Variants in KCNMA1 observed in about 807,000 individuals in gnomAD.
KCNMA1 encodes the protein potassium calcium-activated channel subfamily M alpha 1, also known as Calcium-activated potassium channel subunit alpha-1.
KCNMA1 carries 29 observed loss-of-function variants against 140.0 expected under a neutral mutation model. The observed-to-expected ratio is 0.21, with a 90% CI of 0.15 to 0.28. The LOEUF (loss-of-function observed/expected upper bound fraction) is 0.28, where lower values mean the gene tolerates loss of function less well. KCNMA1 is among the 10% of genes least tolerant of loss of function. The pLI is 1.00. For synonymous variants in KCNMA1, 612 were observed against 611.9 expected, an observed-to-expected ratio of 1.00 and a Z score of 0.00; for missense variants, 880 against 1,602.2, an observed-to-expected ratio of 0.55 and a Z score of 7.70.
At chr10:77,120,287 G>A (rs2097567022) in intron 6 of KCNMA1, among the ~76,000 whole-genome samples, 2 of 152,128 alleles carry the variant, frequency 1.3e-5, no homozygotes, top group South Asian at 4.1e-4. Context: ...AAGCCGGCAG[G>A]TCATCAGGAA....
At chr10:76,903,696 A>G (rs2046556089) in intron 25 of KCNMA1, 2 of 152,246 alleles carry the variant, frequency 1.3e-5, no homozygotes, top group Admixed American at 6.5e-5. Flanking sequence ...CTAAAATCAC[A>G]TGGCATTAGG....
chr10:76,940,520 A>C (rs1026661932), intron 23 of KCNMA1, among the ~76,000 whole-genome samples: 1 of 152,166 alleles, frequency 6.6e-6, no homozygotes, highest in African/African-American at 2.4e-5. Flanking sequence ...TCCTGAGTCC[A>C]CATTTCTACC....
At chr10:77,104,609 G>A (rs1426948900) in intron 9 of KCNMA1, among the ~76,000 whole-genome samples, 1 of 152,200 alleles carries the variant, frequency 6.6e-6, no homozygotes, top group African/African-American at 2.4e-5. Context: ...AGTCACTCAA[G>A]TCCCAACATG....
chr10:77,072,113 T>A (rs1032074636), intron 14 of KCNMA1, among the ~76,000 whole-genome samples: 2 of 152,220 alleles, frequency 1.3e-5, no homozygotes, highest in Admixed American at 1.3e-4. Context: ...TCGTGCTGAC[T>A]CATGAACTTT....
At chr10:77,595,867 G>T (rs1567768131) in intron 1 of KCNMA1, among the ~76,000 whole-genome samples, 1 of 152,126 alleles carries the variant, frequency 6.6e-6, no homozygotes, top group Non-Finnish European at 1.5e-5. Flanking sequence ...GGCCAGGCTG[G>T]TCTCGAACTC....
At chr10:77,317,018 T>C (rs1453195175) in intron 2 of KCNMA1, among the ~76,000 whole-genome samples, 2 of 152,182 alleles carry the variant, frequency 1.3e-5, no homozygotes, top group Non-Finnish European at 2.9e-5. Flanking sequence ...GGACATTCTA[T>C]AATGGACTGA....
intron 1 of KCNMA1, among the ~76,000 whole-genome samples, chr10:77,575,764 C>T (rs1168847233): frequency 2.0e-5 from 3 of 152,238 alleles, no homozygotes. Context: ...CTTTATCTCC[C>T]CAGGAGTTTC....
intron 9 of KCNMA1, among the ~76,000 whole-genome samples, chr10:77,103,333 A>G (rs1184192583): frequency 6.6e-6 from 1 of 152,214 alleles, no homozygotes; most frequent in Non-Finnish European, 1.5e-5. Context: ...CCTGAGGGTG[A>G]ATATTCCAAG....
intron 5 of KCNMA1, among the ~76,000 whole-genome samples, chr10:77,157,623 C>T (rs916390827): frequency 6.6e-6 from 1 of 152,084 alleles, no homozygotes; most frequent in Non-Finnish European, 1.5e-5. Context: ...CTCCTCTTCA[C>T]GCTGGAGCAA....
chr10:76,953,643 G>A (rs1402560332), intron 21 of KCNMA1, among the ~76,000 whole-genome samples, 158 bp downstream of exon 21: 1 of 152,182 alleles, frequency 6.6e-6, no homozygotes, highest in Admixed American at 6.5e-5. Context: ...TCTGATCAGA[G>A]GTCTAGCTGC....
chr10:77,563,531 C>A (rs924440835), intron 1 of KCNMA1, among the ~76,000 whole-genome samples: 1 of 152,126 alleles, frequency 6.6e-6, no homozygotes, highest in African/African-American at 2.4e-5. Flanking sequence ...TCTCTTCTAC[C>A]CCGTCCCTCC....
At chr10:77,296,429 A>C (rs1055223493) in intron 2 of KCNMA1, among the ~76,000 whole-genome samples, 1 of 152,116 alleles carries the variant, frequency 6.6e-6, no homozygotes, top group African/African-American at 2.4e-5. Context: ...TAAGACAATA[A>C]ATTTATATTG....
intron 5 of KCNMA1, among the ~76,000 whole-genome samples, chr10:77,174,704 TC>T (rs2098737713): frequency 6.6e-6 from 1 of 152,202 alleles, no homozygotes; most frequent in South Asian, 2.1e-4. Flanking sequence ...AGCAGGAGAA[TC>T]ACTACACCTG....
intron 14 of KCNMA1, among the ~76,000 whole-genome samples, chr10:77,060,128 G>C (rs1400463117): frequency 6.6e-6 from 1 of 152,158 alleles, no homozygotes; most frequent in East Asian, 1.9e-4. Flanking sequence ...AAAGATGTCA[G>C]TGCTCCCCCA....
chr10:77,506,929 G>GGC (rs2046357435), intron 1 of KCNMA1, among the ~76,000 whole-genome samples: 1 of 151,490 alleles, frequency 6.6e-6, no homozygotes, highest in Non-Finnish European at 1.5e-5. Flanking sequence ...AAAGACAGAT[G>GGC]TTCCTATGAA....
chr10:77,042,378 T>TA (rs1329265210), intron 14 of KCNMA1, among the ~76,000 whole-genome samples: 5 of 152,194 alleles, frequency 3.3e-5, no homozygotes, highest in East Asian at 1.9e-4. Context: ...TCTGCCTTAG[T>TA]AAAAAAATGT....
intron 2 of KCNMA1, among the ~76,000 whole-genome samples, chr10:77,298,134 C>T (rs1315677584): frequency 3.9e-5 from 6 of 152,210 alleles, no homozygotes; most frequent in Admixed American, 6.5e-5. Context: ...GTGTCCCCTG[C>T]TAAACCAGAG....
chr10:77,121,022 G>T lies in KCNMA1; in HGVS notation c.835C>A (p.Leu279Met). 1 of 1,600,210 alleles carries T rather than the reference G, an allele frequency of 6.2e-7. No homozygotes were observed. Among genetic ancestry groups the T allele is most frequent in the Non-Finnish European group, 8.6e-7 (1 of 1,168,934 alleles). ...LGLRFLRALR[L>M]IQFSEILQFL... ...TGCAAAATTTCTGAAAACTGTATCA[G>T]TCTCAGAGCTCTTAAAAATCTCAAA... The change falls in exon 6 of 28, where the codon CTG (leucine) becomes ATG (methionine). Residue 279 changes from leucine (L) to methionine (M), a missense_variant. Physicochemically the swap from Leu to Met is conservative, Grantham distance 15. Transcript: ENST00000286628.
intron 1 of KCNMA1, among the ~76,000 whole-genome samples, chr10:77,598,976 A>G (rs185577622): frequency 6.6e-6 from 1 of 152,354 alleles, no homozygotes; most frequent in African/African-American, 2.4e-5. Context: ...AGCAGCAAAA[A>G]GGAATGAGGG....
Sources: allele counts gnomAD v4.1 joint callset (sites outside exome capture counted in the v4.1 genomes callset), GRCh38; gene constraint gnomAD v4.1.1; transcripts MANE v1.5; gene names NCBI Gene and HGNC (gene_info 2026-07-23, HGNC 2026-07-21).